Variants in CCN4 observed in about 807,000 individuals in gnomAD.
The protein encoded by CCN4 is CCN family member 4.
Under a neutral mutation model 36.7 loss-of-function variants are expected in CCN4, and 30 were observed. The ratio of observed to expected loss-of-function variants is 0.82; its 90% CI spans 0.61 to 1.11. The LOEUF is 1.11. Ranked by LOEUF, CCN4 falls within the 50% of genes least tolerant of loss-of-function variation. The pLI, the probability that CCN4 is intolerant of heterozygous loss-of-function variation, is 0.00. For synonymous variants in CCN4, 191 were observed against 195.4 expected (o/e 0.98, Z 0.19); for missense variants, 505 against 504.9 (o/e 1.00, Z 0.00).
chr8:133,202,607 C>A (rs1166032002), intron 1 of CCN4, among the ~76,000 whole-genome samples: 1 of 152,204 alleles, frequency 6.6e-6, no homozygotes, highest in Non-Finnish European at 1.5e-5. Flanking sequence ...CGAAAACCTT[C>A]TACATCCCAT....
intron 1 of CCN4, among the ~76,000 whole-genome samples, chr8:133,196,455 A>T (rs776108480): frequency 1.3e-5 from 2 of 152,336 alleles, no homozygotes; most frequent in South Asian, 2.1e-4. Flanking sequence ...ACTAAACTTC[A>T]TCTGTTTCGT....
intron 1 of CCN4, among the ~76,000 whole-genome samples, chr8:133,203,069 C>T (rs1052952402): frequency 2.0e-5 from 3 of 152,240 alleles, no homozygotes; most frequent in Admixed American, 6.5e-5. Flanking sequence ...CCTGCCTCAA[C>T]CCTGCCCCCT....
chr8:133,209,970 G>A (rs1343974512), intron 1 of CCN4, among the ~76,000 whole-genome samples: 2 of 152,258 alleles, frequency 1.3e-5, no homozygotes, highest in South Asian at 2.1e-4. Context: ...AACGTACGTC[G>A]GACTGTCTCA....
chr8:133,222,585 A>G (rs116220065), intron 3 of CCN4, among the ~76,000 whole-genome samples: 1,713 of 151,738 alleles, frequency 0.011, 27 homozygotes, highest in African/African-American at 0.039. Flanking sequence ...GGCCTGAGGC[A>G]GAGGTCTGGG....
chr8:133,195,081 C>T (rs997047915), intron 1 of CCN4, among the ~76,000 whole-genome samples: 3 of 118,474 alleles, frequency 2.5e-5, no homozygotes, highest in Non-Finnish European at 5.2e-5. Flanking sequence ...ATGTAGTGTG[C>T]TTGTGTGTGT....
chr8:133,205,209 G>A lies in CCN4; in HGVS notation c.70-7655G>A, dbSNP rs551818067. 2.0e-4 allele frequency among the ~76,000 whole-genome samples: 30 copies of A among 152,358 alleles called. No homozygotes were observed. The Middle Eastern group carries it at 0.01, about 52-fold the overall frequency. Reference sequence around the variant, plus strand: ...TGGGCATCTTGCCAGCAGAAGCACCGCAGAGTGGCCACCACCTCTGTCTTC... The same window carrying A: ...TGGGCATCTTGCCAGCAGAAGCACCACAGAGTGGCCACCACCTCTGTCTTC... On this transcript the variant is annotated intron_variant, in intron 1 of 4. Coordinates refer to ENST00000250160, the MANE Select transcript of CCN4 (RefSeq NM_003882.4).
At chr8:133,192,771 G>A (rs369954170) in intron 1 of CCN4, among the ~76,000 whole-genome samples, 3 of 152,248 alleles carry the variant, frequency 2.0e-5, no homozygotes, top group Admixed American at 6.5e-5. Flanking sequence ...CAGAGGAGGC[G>A]AGAGGTTTAA....
chr8:133,210,629 T>C lies in CCN4; in HGVS notation c.70-2235T>C, dbSNP rs76021642. Reference sequence around the variant, plus strand: ...CAGGGGGCTGCAGGCAAGATTTTTTTTGGCCATTCTGGTGTCTGTCTGGGC... The same window carrying C: ...CAGGGGGCTGCAGGCAAGATTTTTTCTGGCCATTCTGGTGTCTGTCTGGGC... On this transcript the variant is annotated intron_variant, in intron 1 of 4. Transcript: ENST00000250160. 5.7e-3 allele frequency among the ~76,000 whole-genome samples: 868 copies of C among 152,212 alleles called. 8 individuals are homozygous for C. Among genetic ancestry groups the C allele is most frequent in the African/African-American group, 0.02 (830 of 41,554 alleles).
rs946451988 is a variant in CCN4 at position 133,230,042 on chromosome 8, G to C, written c.*2332G>C. ...CAAGAGCTAGGTTCTTACTGAATTT[G>C]CATCTCAATTTGGGAAACTGAACTT... On this transcript the variant is annotated 3_prime_UTR_variant, in exon 5 of 5. Coordinates refer to ENST00000250160, the MANE Select transcript of CCN4 (RefSeq NM_003882.4). 5 of 152,226 alleles carry C rather than the reference G, an allele frequency of 3.3e-5. No individual in the cohort carries two copies. The highest frequency in any genetic ancestry group is 1.2e-4 in the African/African-American group (5 of 41,466). The allele number at this position is 152,226 out of a possible 1,614,324, so 9.4% of individuals were successfully genotyped here.
Position 133,220,706 on chromosome 8 carries a change from C to T in CCN4, c.475C>T (p.Arg159Ter), listed in dbSNP as rs777518726. Reference sequence around the variant, plus strand: ...GGTGGGCTGCACACCACTGTGCCTCCGAGTGCGCCCCCCGCGTCTCTGGTG... The same window carrying T: ...GGTGGGCTGCACACCACTGTGCCTCTGAGTGCGCCCCCCGCGTCTCTGGTG... ...GAVGCTPLCL[R>*]VRPPRLWCPH... The change falls in exon 3 of 5, where the codon CGA becomes TGA. Residue 159 changes from arginine to a stop codon, truncating the protein, a stop_gained. Coordinates refer to ENST00000250160, the MANE Select transcript of CCN4 (RefSeq NM_003882.4). LOFTEE classifies it high-confidence loss of function. 2.0e-5 allele frequency: 33 copies of T among 1,613,660 alleles called. No individual in the cohort carries two copies. Among genetic ancestry groups the T allele is most frequent in the Non-Finnish European group, 2.5e-5 (29 of 1,179,942 alleles).
chr8:133,231,562 C>A lies in CCN4; in HGVS notation c.*3852C>A, dbSNP rs1854966717. On this transcript the variant is annotated 3_prime_UTR_variant, in exon 5 of 5. Coordinates refer to ENST00000250160, the MANE Select transcript of CCN4 (RefSeq NM_003882.4). ...CATTGCTCAATTTCTCTGTGTAAGTCTTTTCCTTAAGGTAATAAACCATCA... is the reference window on the plus strand; with the variant it reads ...CATTGCTCAATTTCTCTGTGTAAGTATTTTCCTTAAGGTAATAAACCATCA... The A allele has an allele frequency of 1.3e-5, 2 of 152,150 alleles. No individual in the cohort carries two copies. Among genetic ancestry groups the A allele is most frequent in the South Asian group, 4.1e-4 (2 of 4,834 alleles). 9.4% of individuals were successfully genotyped at this position (152,150 alleles called of 1,614,324 possible). A position where few individuals can be genotyped will look rare whatever the true frequency, so the allele number is the denominator to read the frequency against.
intron 1 of CCN4, among the ~76,000 whole-genome samples, chr8:133,191,794 G>A (rs1362865364): frequency 1.3e-5 from 2 of 152,176 alleles, no homozygotes; most frequent in Non-Finnish European, 2.9e-5. Context: ...GTCACCTCCG[G>A]TCTGCACAGC....
At chr8:133,219,995 C>T (rs1854458520) in intron 2 of CCN4, among the ~76,000 whole-genome samples, 3 of 151,700 alleles carry the variant, frequency 2.0e-5, no homozygotes, top group Admixed American at 2.0e-4. Context: ...CAACTGTCTC[C>T]CCCCGCCCAA....
chr8:133,205,111 A>G (rs1279661712), intron 1 of CCN4, among the ~76,000 whole-genome samples: 3 of 152,176 alleles, frequency 2.0e-5, no homozygotes, highest in African/African-American at 7.2e-5. Flanking sequence ...TCAGTGGGGT[A>G]GGTGGGGCCC....
intron 2 of CCN4, among the ~76,000 whole-genome samples, 194 bp downstream of exon 2, chr8:133,213,337 G>T (rs1334804468): frequency 1.3e-5 from 2 of 152,066 alleles, no homozygotes; most frequent in Admixed American, 6.5e-5. Flanking sequence ...CACTCTTCTC[G>T]CCTCCAGAAC....
intron 2 of CCN4, among the ~76,000 whole-genome samples, chr8:133,219,513 T>C (rs780832490): frequency 3.3e-5 from 5 of 152,254 alleles, no homozygotes; most frequent in Non-Finnish European, 7.3e-5. Flanking sequence ...CACTAGAGGC[T>C]GCAGCATTTA....
chr8:133,194,435 T>G, intron 1 of CCN4, among the ~76,000 whole-genome samples: 1 of 61,600 alleles, frequency 1.6e-5, no homozygotes, highest in African/African-American at 1.1e-4. Flanking sequence ...GTGTGGTATG[T>G]GTGTGTGGTG....
intron 1 of CCN4, among the ~76,000 whole-genome samples, chr8:133,205,581 C>G (rs1463576494): frequency 6.6e-6 from 1 of 152,106 alleles, no homozygotes; most frequent in Non-Finnish European, 1.5e-5. Context: ...AGAAGATAGC[C>G]GTCAGGGCTC....
intron 1 of CCN4, among the ~76,000 whole-genome samples, chr8:133,192,984 A>G (rs1853170622): frequency 6.6e-6 from 1 of 152,172 alleles, no homozygotes; most frequent in Admixed American, 6.5e-5. Flanking sequence ...TGCCTGGGGA[A>G]CCCAGACCAC....
Sources: gnomAD v4.1 joint callset for allele counts (sites outside exome capture counted in the v4.1 genomes callset) on GRCh38, gnomAD v4.1.1 for gene constraint, MANE v1.5 for transcripts, NCBI Gene and HGNC (gene_info 2026-07-23, HGNC 2026-07-21) for gene names.